Variants in LDAF1 observed in about 807,000 individuals in gnomAD.
LDAF1 encodes the protein lipid droplet assembly factor 1.
A neutral mutation model predicts 13.5 loss-of-function variants in LDAF1; 7 were observed. The observed-to-expected ratio is 0.52, with a 90% CI of 0.29 to 0.97. The LOEUF (loss-of-function observed/expected upper bound fraction) is 0.97. Among genes scored for constraint, LDAF1 ranks in the 50% least tolerant of loss-of-function variants. The pLI, the probability that LDAF1 is intolerant of heterozygous loss-of-function variation, is 0.07. For synonymous variants in LDAF1, 69 were observed against 77.1 expected, an observed-to-expected ratio of 0.89 and a Z score of 0.55; for missense variants, 148 against 193.2, an observed-to-expected ratio of 0.77 and a Z score of 1.39.
rs186306299 is a variant in LDAF1 at position 21,179,917 on chromosome 16, T to C, written c.*361T>C. ...GCAACAGTGATTGTTTATAGTTTTT[T>C]GTTTTCAGAAATGAGGGCAGCTGTT... On this transcript the variant is annotated 3_prime_UTR_variant, in exon 5 of 5. Transcript: ENST00000233047. The C allele has an allele frequency of 6.0e-6, 1 of 167,216 alleles. No homozygotes were observed. Among genetic ancestry groups the C allele is most frequent in the East Asian group, 1.7e-4 (1 of 5,888 alleles). The allele number at this position is 167,216 out of a possible 1,614,324, so 10.4% of individuals were successfully genotyped here. A position where few individuals can be genotyped will look rare whatever the true frequency, so the allele number is the denominator to read the frequency against.
chr16:21,166,817 C>T, intron 2 of LDAF1: 1 of 1,535,066 alleles, frequency 6.5e-7, no homozygotes, highest in South Asian at 1.2e-5. Context: ...CCCACGGCTC[C>T]TCCGCCTCTC....
Position 21,170,725 on chromosome 16 carries a change from C to T in LDAF1, c.265+120C>T. On this transcript the variant is annotated intron_variant, in intron 3 of 4. Coordinates refer to ENST00000233047, the MANE Select transcript of LDAF1 (RefSeq NM_001301771.2). ...CTTGTTATGTTGCCCAGGCTGGTCT[C>T]AAACTCCTGGGCTCAAGTGATCCTC... The T allele has an allele frequency of 3.3e-6, 4 of 1,212,156 alleles. No individual in the cohort carries two copies. The South Asian group carries it at 5.7e-5, about 17-fold the overall frequency. 75.1% of individuals were successfully genotyped at this position (1,212,156 alleles called of 1,614,324 possible).
At chr16:21,175,279 T>C (rs1026093588) in intron 4 of LDAF1, among the ~76,000 whole-genome samples, 5 of 152,210 alleles carry the variant, frequency 3.3e-5, no homozygotes, top group Non-Finnish European at 7.3e-5. Flanking sequence ...TTCCAGGCCT[T>C]ATGTCATGTA....
At chr16:21,168,354 CTG>C (rs2152845216) in intron 2 of LDAF1, among the ~76,000 whole-genome samples, 1 of 152,040 alleles carries the variant, frequency 6.6e-6, no homozygotes, top group African/African-American at 2.4e-5. Context: ...CACTTGGAGG[CTG>C]TGCGACTCTA....
chr16:21,169,281 C>T, intron 2 of LDAF1: 1 of 389,084 alleles, frequency 2.6e-6, no homozygotes, highest in African/African-American at 2.2e-5. Flanking sequence ...TCTGATTCAT[C>T]AGGGCCTGAG....
At chr16:21,160,008 A>G in intron 1 of LDAF1, 1 of 976,132 alleles carries the variant, frequency 1.0e-6, no homozygotes. Context: ...GTTTTACAAA[A>G]GGGAAGTAGC....
At chr16:21,158,956 C>A (rs2092926335) in intron 1 of LDAF1, among the ~76,000 whole-genome samples, 1 of 151,960 alleles carries the variant, frequency 6.6e-6, no homozygotes, top group Non-Finnish European at 1.5e-5. Flanking sequence ...CGAGGAGACA[C>A]GATTCCTCCC....
At chr16:21,176,507 G>A (rs1007052994) in intron 4 of LDAF1, among the ~76,000 whole-genome samples, 4 of 152,112 alleles carry the variant, frequency 2.6e-5, no homozygotes, top group Non-Finnish European at 4.4e-5. Flanking sequence ...GCCAACTGTG[G>A]TGGTGCGTGC....
rs1225874696 is a variant in LDAF1 at position 21,167,728 on chromosome 16, G to T, written c.97-2709G>T. Reference sequence around the variant, plus strand: ...TTTTTTTGAAAAGGAGACTTGCGGTGGGGCGCGGTATCCCACGCCTGTAAT... The same window carrying T: ...TTTTTTTGAAAAGGAGACTTGCGGTTGGGCGCGGTATCCCACGCCTGTAAT... On this transcript the variant is annotated intron_variant, in intron 2 of 4. Transcript: ENST00000233047. Among the ~76,000 whole-genome samples, 9 of 68,344 alleles carry T rather than the reference G, an allele frequency of 1.3e-4. No homozygotes were observed. The East Asian group carries it at 5.8e-3, about 44-fold the overall frequency. 44.8% of individuals were successfully genotyped at this position (68,344 alleles called of 152,430 possible).
intron 4 of LDAF1, chr16:21,178,073 AAAAAG>A (rs1249362477): frequency 2.2e-6 from 1 of 454,294 alleles, no homozygotes; most frequent in Non-Finnish European, 2.9e-6. Context: ...TAAATTTTTA[AAAAAG>A]AAAAGAAAAA....
At chr16:21,168,820 A>T (rs2093054195) in intron 2 of LDAF1, among the ~76,000 whole-genome samples, 1 of 131,592 alleles carries the variant, frequency 7.6e-6, no homozygotes, top group African/African-American at 2.9e-5. Context: ...ATAAAATTAA[A>T]TATAATTTAA....
At chr16:21,176,557 CATT>C (rs2093140228) in intron 4 of LDAF1, among the ~76,000 whole-genome samples, 1 of 151,994 alleles carries the variant, frequency 6.6e-6, no homozygotes, top group African/African-American at 2.4e-5. Flanking sequence ...ATGGGAGGAT[CATT>C]TGGGCCCAGG....
In LDAF1 at chr16:21,174,033, T is replaced by C. The variant is rs35345508; in HGVS notation, c.289T>C (p.Phe97Leu). ...LEGLVISVGGFSLLCILCGLG... is the reference protein window; with the variant it reads ...LEGLVISVGGLSLLCILCGLG... ...AGGATTGGTCATCTCTGTGGGTGGC[T>C]TCTCACTGCTCTGCATCCTCTGTGG... The change falls in exon 4 of 5, where the codon TTC becomes CTC. Residue 97 changes from phenylalanine to leucine, a missense_variant. Coordinates refer to ENST00000233047, the MANE Select transcript of LDAF1 (RefSeq NM_001301771.2). 3.6e-3 allele frequency: 5,808 copies of C among 1,613,720 alleles called. 198 individuals carry two copies. In the African/African-American group the frequency reaches 0.066, roughly 18 times the overall value.
chr16:21,172,170 G>C (rs1378406816), intron 3 of LDAF1, among the ~76,000 whole-genome samples: 4 of 151,210 alleles, frequency 2.6e-5, no homozygotes, highest in African/African-American at 9.7e-5. Context: ...AAAAGAGGCC[G>C]GACACAGTGG....
At chr16:21,165,710 C>A in intron 2 of LDAF1, 1 of 682,570 alleles carries the variant, frequency 1.5e-6, no homozygotes, top group Non-Finnish European at 1.8e-6. Context: ...TAGTTCTGCT[C>A]AAATGACAGC....
chr16:21,178,785 T>C (rs1033820724), intron 4 of LDAF1: 3 of 152,346 alleles, frequency 2.0e-5, no homozygotes, highest in Non-Finnish European at 4.4e-5. Flanking sequence ...GTTGCTGTTC[T>C]CCTGATTGTA....
chr16:21,160,474 T>C (rs1190258408), intron 1 of LDAF1, among the ~76,000 whole-genome samples: 1 of 152,082 alleles, frequency 6.6e-6, no homozygotes, highest in Non-Finnish European at 1.5e-5. Context: ...AAGTAGATGA[T>C]GATGTATGGA....
chr16:21,168,645 TATA>T (rs954234000), intron 2 of LDAF1, among the ~76,000 whole-genome samples: 51 of 140,792 alleles, frequency 3.6e-4, no homozygotes, highest in African/African-American at 1.2e-3. Flanking sequence ...ATATATCTAA[TATA>T]ATTATACAAT....
intron 2 of LDAF1, among the ~76,000 whole-genome samples, chr16:21,162,430 T>C (rs1208990949): frequency 6.6e-6 from 1 of 152,220 alleles, no homozygotes. Flanking sequence ...TTTATCCTTA[T>C]TGCTTTCTTC....
Sources: allele counts gnomAD v4.1 joint callset (sites outside exome capture counted in the v4.1 genomes callset), GRCh38; gene constraint gnomAD v4.1.1; transcripts MANE v1.5; gene names NCBI Gene and HGNC (gene_info 2026-07-23, HGNC 2026-07-21).